The following SORCS3 variants were observed in gnomAD, a reference collection of about 807,000 sequenced individuals.
SORCS3 encodes the protein VPS10 domain-containing receptor SorCS3.
SORCS3 carries 57 observed loss-of-function variants against 146.3 expected under a neutral mutation model. The observed-to-expected ratio is 0.39, with a 90% CI of 0.31 to 0.49. The LOEUF (loss-of-function observed/expected upper bound fraction) is 0.49, where lower values mean the gene tolerates loss of function less well. SORCS3 is among the 20% of genes least tolerant of loss of function. The probability of loss-of-function intolerance (pLI) is 0.92; values close to 1 mark genes in which losing one functional copy is unlikely to be tolerated. For synonymous variants in SORCS3, 653 were observed against 618.5 expected (o/e 1.06, Z -0.83); for missense variants, 1,341 against 1,575.5 (o/e 0.85, Z 2.52).
At chr10:104,678,920 C>T (rs1029976998) in intron 1 of SORCS3, among the ~76,000 whole-genome samples, 3 of 152,126 alleles carry the variant, frequency 2.0e-5, no homozygotes. Context: ...GATACTGGCA[C>T]CCTATTGTAA....
In SORCS3 at chr10:104,641,294, A is replaced by T; in HGVS notation, c.-34A>T. 4 of 1,246,272 alleles carry T rather than the reference A, an allele frequency of 3.2e-6. No homozygotes were observed. Among genetic ancestry groups the T allele is most frequent in the Non-Finnish European group, 4.0e-6 (4 of 997,646 alleles). The allele number at this position is 1,246,272 out of a possible 1,614,324, so 77.2% of individuals were successfully genotyped here. A position where few individuals can be genotyped will look rare whatever the true frequency, so the allele number is the denominator to read the frequency against. On this transcript the variant is annotated 5_prime_UTR_variant, in exon 1 of 27. Coordinates refer to ENST00000369701, the MANE Select transcript of SORCS3 (RefSeq NM_014978.3). This position sits in a 1 kb window ranked among gnomAD's most constrained non-coding sequence, Gnocchi z 6.4. Reference sequence around the variant, plus strand: ...ACCCGCACCTCGGCGGGCGCCACACACTCGGCAGCCCGAGCCGCGGTAGCC... The same window carrying T: ...ACCCGCACCTCGGCGGGCGCCACACTCTCGGCAGCCCGAGCCGCGGTAGCC...
At position 104,659,935 on chromosome 10, in the gene SORCS3, A is replaced by G. The variant is rs560083478; in HGVS notation, c.627+17981A>G. On this transcript the variant is annotated intron_variant, in intron 1 of 26. Coordinates refer to ENST00000369701, the MANE Select transcript of SORCS3 (RefSeq NM_014978.3). ...TCCAACATTGCTGGTTCCCTTCCCC[A>G]GGATCGGGGAGGGAGGACTATGTGA... Among the ~76,000 whole-genome samples the G allele has an allele frequency of 2.6e-3, 393 of 152,274 alleles. 1 individual carries two copies. The highest frequency in any genetic ancestry group is 4.1e-3 in the Non-Finnish European group (282 of 68,018).
intron 2 of SORCS3, among the ~76,000 whole-genome samples, chr10:104,900,532 T>A (rs974541437): frequency 2.0e-5 from 3 of 152,178 alleles, no homozygotes; most frequent in African/African-American, 7.2e-5. Flanking sequence ...TCTTAGCAGA[T>A]ATGTAGGAGC....
intron 7 of SORCS3, among the ~76,000 whole-genome samples, chr10:105,124,470 G>A (rs2055958246): frequency 6.6e-6 from 1 of 152,096 alleles, no homozygotes; most frequent in South Asian, 2.1e-4. Flanking sequence ...TTAGCTTCTT[G>A]TTTGCCAGCC....
intron 20 of SORCS3, among the ~76,000 whole-genome samples, chr10:105,236,137 C>G (rs1456352076): frequency 6.6e-6 from 1 of 152,046 alleles, no homozygotes; most frequent in East Asian, 1.9e-4. Flanking sequence ...TGGGATTATT[C>G]TTCACCAGGA....
chr10:105,132,344 A>G (rs1450060997), intron 7 of SORCS3, among the ~76,000 whole-genome samples: 1 of 152,184 alleles, frequency 6.6e-6, no homozygotes, highest in African/African-American at 2.4e-5. Context: ...GTGGATATTA[A>G]ATAATATCAT....
chr10:104,771,028 A>G lies in SORCS3; in HGVS notation c.628-71764A>G, dbSNP rs991562640. Among the ~76,000 whole-genome samples, 3 of 152,194 alleles carry G rather than the reference A, an allele frequency of 2.0e-5. 1 individual carries two copies. Among genetic ancestry groups the G allele is most frequent in the Non-Finnish European group, 4.4e-5 (3 of 68,032 alleles). On this transcript the variant is annotated intron_variant, in intron 1 of 26. Coordinates refer to ENST00000369701, the MANE Select transcript of SORCS3 (RefSeq NM_014978.3). ...GGTGCATATTTTGCACTTGCAGTTCATCTCAGTTCAGACTGGCCACAATCC... is the reference window on the plus strand; with the variant it reads ...GGTGCATATTTTGCACTTGCAGTTCGTCTCAGTTCAGACTGGCCACAATCC...
In SORCS3 at chr10:104,739,913, A is replaced by T. The variant is rs868248603; in HGVS notation, c.627+97959A>T. 2.0e-5 allele frequency among the ~76,000 whole-genome samples: 3 copies of T among 152,216 alleles called. 1 individual carries two copies. In the South Asian group the frequency reaches 6.2e-4, roughly 31 times the overall value. On this transcript the variant is annotated intron_variant, in intron 1 of 26. Coordinates refer to ENST00000369701, the MANE Select transcript of SORCS3 (RefSeq NM_014978.3). ...AATTTTCAGGTTCTGTGTGTATTCAACCACCAAACAGAATTGTACTTGGTA... is the reference window on the plus strand; with the variant it reads ...AATTTTCAGGTTCTGTGTGTATTCATCCACCAAACAGAATTGTACTTGGTA...
chr10:105,164,474 T>G, intron 12 of SORCS3, 95 bp downstream of exon 12: 1 of 953,404 alleles, frequency 1.0e-6, no homozygotes, highest in Non-Finnish European at 1.7e-6. Context: ...TCATTATGAC[T>G]TTGTAATTTC....
intron 7 of SORCS3, among the ~76,000 whole-genome samples, chr10:105,107,298 T>A (rs1366456100): frequency 6.6e-6 from 1 of 151,656 alleles, no homozygotes; most frequent in Admixed American, 6.6e-5. Flanking sequence ...AAGGCCTTTA[T>A]CTCTTTCTAT....
chr10:105,242,810 T>C (rs1173337147), intron 20 of SORCS3, among the ~76,000 whole-genome samples: 1 of 63,742 alleles, frequency 1.6e-5, no homozygotes, highest in Non-Finnish European at 2.9e-5. Flanking sequence ...ATATAATTTA[T>C]ATATATTTTT....
intron 6 of SORCS3, among the ~76,000 whole-genome samples, chr10:105,090,100 G>A (rs1246437913): frequency 1.3e-5 from 2 of 152,050 alleles, no homozygotes; most frequent in Admixed American, 1.3e-4. Flanking sequence ...AATTTCTTTG[G>A]CATCTTCAGA....
chr10:105,042,537 A>G (rs1206490399), intron 4 of SORCS3, among the ~76,000 whole-genome samples: 1 of 152,152 alleles, frequency 6.6e-6, no homozygotes, highest in African/African-American at 2.4e-5. Flanking sequence ...TCTACATTCA[A>G]AAAGTAAGTG....
At chr10:105,204,224 T>C (rs776374372) in intron 16 of SORCS3, among the ~76,000 whole-genome samples, 6 of 152,144 alleles carry the variant, frequency 3.9e-5, no homozygotes, top group Non-Finnish European at 8.8e-5. Flanking sequence ...GGTTACTTGA[T>C]CAAGGTTACA....
At chr10:104,708,399 G>C (rs1011402856) in intron 1 of SORCS3, among the ~76,000 whole-genome samples, 1 of 152,118 alleles carries the variant, frequency 6.6e-6, no homozygotes, top group Non-Finnish European at 1.5e-5. Flanking sequence ...CCTTAGTCCT[G>C]GCCCTCCTTT....
chr10:104,858,678 A>G (rs112889125), intron 2 of SORCS3, among the ~76,000 whole-genome samples: 7,842 of 150,954 alleles, frequency 0.052, 241 homozygotes, highest in East Asian at 0.12. Flanking sequence ...CTGGAGTGCA[A>G]TGGTGTGATC....
intron 1 of SORCS3, among the ~76,000 whole-genome samples, chr10:104,842,345 A>G (rs554283698): frequency 6.6e-6 from 1 of 152,330 alleles, no homozygotes; most frequent in South Asian, 2.1e-4. Context: ...AACCCCTTTT[A>G]CAGACAGAAT....
At chr10:104,979,044 A>G (rs971406510) in intron 4 of SORCS3, among the ~76,000 whole-genome samples, 7 of 152,198 alleles carry the variant, frequency 4.6e-5, no homozygotes, top group African/African-American at 1.4e-4. Context: ...CAGATCCAGC[A>G]TCACTTCCTC....
chr10:105,123,650 G>A (rs10884096), intron 7 of SORCS3, among the ~76,000 whole-genome samples: 44,133 of 151,994 alleles, frequency 0.29, 6,588 homozygotes, highest in Middle Eastern at 0.34. Context: ...TCGAGAGAGG[G>A]AGAGATACTA....
Sources: gnomAD v4.1 joint callset for allele counts (sites outside exome capture counted in the v4.1 genomes callset) on GRCh38, gnomAD v4.1.1 for gene constraint, Gnocchi (gnomAD v3.1) non-coding constraint, MANE v1.5 for transcripts, NCBI Gene and HGNC (gene_info 2026-07-23, HGNC 2026-07-21) for gene names.